Variants in B3GNT5 observed in about 807,000 individuals in gnomAD.
B3GNT5 encodes the protein lactosylceramide 1,3-N-acetyl-beta-D-glucosaminyltransferase.
B3GNT5 carries 11 observed loss-of-function variants against 25.9 expected under a neutral mutation model. The ratio of observed to expected loss-of-function variants is 0.42; its 90% CI spans 0.27 to 0.70. B3GNT5 has a LOEUF of 0.70. Ranked by LOEUF, B3GNT5 falls within the 30% of genes least tolerant of loss-of-function variation. B3GNT5 has a pLI of 0.23. For synonymous variants in B3GNT5, 166 were observed against 158.6 expected (o/e 1.05, Z -0.35); for missense variants, 385 against 458.4 (o/e 0.84, Z 1.46).
intron 1 of B3GNT5, among the ~76,000 whole-genome samples, chr3:183,260,973 T>G (rs1024860450): frequency 1.3e-5 from 2 of 152,208 alleles, no homozygotes; most frequent in African/African-American, 4.8e-5. Context: ...ACAAAAACAC[T>G]TGAAGACAGC....
intron 1 of B3GNT5, among the ~76,000 whole-genome samples, chr3:183,264,044 G>T (rs928488653): frequency 6.6e-6 from 1 of 152,150 alleles, no homozygotes; most frequent in Non-Finnish European, 1.5e-5. Flanking sequence ...CCATTAGCCA[G>T]TTTAATCCCT....
At chr3:183,263,721 G>A (rs976043216) in intron 1 of B3GNT5, among the ~76,000 whole-genome samples, 5 of 151,940 alleles carry the variant, frequency 3.3e-5, no homozygotes, top group South Asian at 2.1e-4. Context: ...TCTCTCCATC[G>A]CCTCGAACTC....
In B3GNT5 at chr3:183,272,635, G is replaced by A; in HGVS notation, c.*1700G>A. The A allele has an allele frequency of 1.0e-6, 1 of 1,000,576 alleles. No homozygotes were observed. Among genetic ancestry groups the A allele is most frequent in the Non-Finnish European group, 1.2e-6 (1 of 830,050 alleles). 62.0% of individuals were successfully genotyped at this position (1,000,576 alleles called of 1,614,324 possible). ...ATTCTAGGTTGTAGTTACTTTCAGA[G>A]TAGATACAGGGTTTTAGATCATTAC... is the stretch of plus-strand genomic sequence containing the variant. On this transcript the variant is annotated 3_prime_UTR_variant, in exon 2 of 2. Transcript: ENST00000326505.
Position 183,269,688 on chromosome 3 carries a change from C to A in B3GNT5, c.-111C>A. 1.1e-6 allele frequency: 1 copy of A among 950,324 alleles called. No homozygotes were observed. The highest frequency in any genetic ancestry group is 1.6e-6 in the Non-Finnish European group (1 of 643,512). The allele number at this position is 950,324 out of a possible 1,614,324, so 58.9% of individuals were successfully genotyped here. A position where few individuals can be genotyped will look rare whatever the true frequency, so the allele number is the denominator to read the frequency against. ...ATAAGAAGACTTCCATTTTTAATGA[C>A]CAACATGTATTAAGATGGACACCTA... On this transcript the variant is annotated 5_prime_UTR_variant, in exon 2 of 2. Transcript: ENST00000326505.
Position 183,270,462 on chromosome 3 carries a change from C to T in B3GNT5, c.664C>T (p.Arg222Cys), listed in dbSNP as rs760733397. The T allele has an allele frequency of 5.6e-6, 9 of 1,614,136 alleles. No homozygotes were observed. Among genetic ancestry groups the T allele is most frequent in the Admixed American group, 1.7e-5 (1 of 60,014 alleles). The change falls in exon 2 of 2, where the codon CGT (arginine) becomes TGT (cysteine). Residue 222 changes from arginine (R) to cysteine (C), a missense_variant. Coordinates refer to ENST00000326505, the MANE Select transcript of B3GNT5 (RefSeq NM_032047.5). This position sits in a 1 kb window ranked among gnomAD's most constrained non-coding sequence, Gnocchi z 4.5. Reference protein sequence around the residue: ...QIGVQDFWIGRVHRGAPPIRD... With the variant: ...QIGVQDFWIGCVHRGAPPIRD... ...TGGTGTTCAAGACTTTTGGATTGGT[C>T]GTGTTCATCGTGGTGCCCCTCCCAT... is the stretch of plus-strand genomic sequence containing the variant.
intron 1 of B3GNT5, among the ~76,000 whole-genome samples, chr3:183,255,252 T>G (rs1380780554): frequency 6.6e-6 from 1 of 152,186 alleles, no homozygotes; most frequent in East Asian, 1.9e-4. Context: ...ACCGAAATGA[T>G]TCCACCCTGA....
At chr3:183,253,866 G>T (rs1190961664) in intron 1 of B3GNT5, 1 of 152,180 alleles carries the variant, frequency 6.6e-6, no homozygotes, top group East Asian at 1.9e-4. Context: ...TGCCGCGGCC[G>T]CATCTTTCCG....
chr3:183,272,837 TAA>T lies in B3GNT5; in HGVS notation c.*1903_*1904del. ...TTAAGGTTGCCATTGGTTGAAAACATAAGTGTCTCTGGCCATCAAAGTGATCT... is the reference window on the plus strand; with the variant it reads ...TTAAGGTTGCCATTGGTTGAAAACATGTGTCTCTGGCCATCAAAGTGATCT... On this transcript the variant is annotated 3_prime_UTR_variant, in exon 2 of 2. Coordinates refer to ENST00000326505, the MANE Select transcript of B3GNT5 (RefSeq NM_032047.5). The T allele has an allele frequency of 8.1e-7, 1 of 1,240,160 alleles. No homozygotes were observed. Among genetic ancestry groups the T allele is most frequent in the Non-Finnish European group, 1.0e-6 (1 of 979,910 alleles). The allele number at this position is 1,240,160 out of a possible 1,614,324, so 76.8% of individuals were successfully genotyped here.
intron 1 of B3GNT5, among the ~76,000 whole-genome samples, chr3:183,254,399 A>G (rs577372657): frequency 2.6e-5 from 4 of 151,778 alleles, no homozygotes; most frequent in Non-Finnish European, 5.9e-5. Context: ...AGCGCGGCGG[A>G]GAAGGAGGCT....
In B3GNT5 at chr3:183,269,885, G is replaced by GT; in HGVS notation, c.94dup (p.Trp32LeufsTer6). The GT allele has an allele frequency of 4.3e-6, 7 of 1,613,906 alleles. No homozygotes were observed. Among genetic ancestry groups the GT allele is most frequent in the Non-Finnish European group, 5.9e-6 (7 of 1,179,954 alleles). ...CTACTTGTTTTTTAGCGAGCCTCAT[G>GT]TTTTTTTGGGAACCAATCGATAATC... On this transcript the variant is annotated frameshift_variant, in exon 2 of 2. Coordinates refer to ENST00000326505, the MANE Select transcript of B3GNT5 (RefSeq NM_032047.5). LOFTEE classifies it high-confidence loss of function.
rs141817155 is a variant in B3GNT5 at position 183,256,557 on chromosome 3, C to T, written c.-302+3085C>T. ...CCATAGAAGGCTTTAACACTAGAAG[C>T]CAGTTCTCTACAAAAGAGAATGTTC... On this transcript the variant is annotated intron_variant, in intron 1 of 1. Transcript: ENST00000326505. 3.3e-3 allele frequency among the ~76,000 whole-genome samples: 498 copies of T among 152,276 alleles called. 3 individuals are homozygous for T. Among genetic ancestry groups the T allele is most frequent in the Non-Finnish European group, 5.2e-3 (357 of 68,018 alleles).
rs1207721858 is a variant in B3GNT5 at position 183,271,201 on chromosome 3, T to C, written c.*266T>C. Reference sequence around the variant, plus strand: ...AACTAAAGGGAAGTTCAAGTTCTCATGTAATGCCACATATATACTTGAGGT... The same window carrying C: ...AACTAAAGGGAAGTTCAAGTTCTCACGTAATGCCACATATATACTTGAGGT... On this transcript the variant is annotated 3_prime_UTR_variant, in exon 2 of 2. Coordinates refer to ENST00000326505, the MANE Select transcript of B3GNT5 (RefSeq NM_032047.5). 2.3e-5 allele frequency: 7 copies of C among 303,960 alleles called. No individual in the cohort carries two copies. Among genetic ancestry groups the C allele is most frequent in the African/African-American group, 2.2e-5 (1 of 45,366 alleles). 18.8% of individuals were successfully genotyped at this position (303,960 alleles called of 1,614,324 possible).
At position 183,271,088 on chromosome 3, in the gene B3GNT5, C is replaced by T; in HGVS notation, c.*153C>T. ...CAGAATGTTTCTTTGATTCTAGAAG[C>T]TGTTTAATATCACTTATCTACTTCA... On this transcript the variant is annotated 3_prime_UTR_variant, in exon 2 of 2. Transcript: ENST00000326505. 1 of 659,272 alleles carries T rather than the reference C, an allele frequency of 1.5e-6. No homozygotes were observed. Among genetic ancestry groups the T allele is most frequent in the Non-Finnish European group, 2.4e-6 (1 of 409,980 alleles). 40.8% of individuals were successfully genotyped at this position (659,272 alleles called of 1,614,324 possible).
chr3:183,266,219 A>T (rs1474930667), intron 1 of B3GNT5: 1 of 152,270 alleles, frequency 6.6e-6, no homozygotes, highest in Non-Finnish European at 1.5e-5. Context: ...ACTTGTGGGC[A>T]CAAAGTCTAG....
In B3GNT5 at chr3:183,271,515, G is replaced by T. The variant is rs1373416781; in HGVS notation, c.*580G>T. 6.0e-6 allele frequency: 1 copy of T among 167,066 alleles called. No homozygotes were observed. The highest frequency in any genetic ancestry group is 2.4e-5 in the African/African-American group (1 of 41,450). 10.3% of individuals were successfully genotyped at this position (167,066 alleles called of 1,614,324 possible). On this transcript the variant is annotated 3_prime_UTR_variant, in exon 2 of 2. Transcript: ENST00000326505. Reference sequence around the variant, plus strand: ...AATCACGTCTTACCACATCCATGTAGCTACTGGTGTTAGAGTCATTAAAAT... The same window carrying T: ...AATCACGTCTTACCACATCCATGTATCTACTGGTGTTAGAGTCATTAAAAT...
rs149108049 is a variant in B3GNT5, at chr3:183,263,964, C to T, written c.-301-5534C>T. Among the ~76,000 whole-genome samples, 24 of 152,222 alleles carry T rather than the reference C, an allele frequency of 1.6e-4. No individual in the cohort carries two copies. The East Asian group carries it at 3.1e-3, about 20-fold the overall frequency. On this transcript the variant is annotated intron_variant, in intron 1 of 1. Transcript: ENST00000326505. ...TCGACTAGGCCTTCCTCACCTCATC[C>T]GGCATCAGTGTGAGCCCTTGAGAAA...
chr3:183,267,142 C>T lies in B3GNT5; in HGVS notation c.-301-2356C>T, dbSNP rs1381709819. Among the ~76,000 whole-genome samples the T allele has an allele frequency of 6.6e-6, 1 of 152,152 alleles. No homozygotes were observed. Among genetic ancestry groups the T allele is most frequent in the East Asian group, 1.9e-4 (1 of 5,196 alleles). ...ACATTTCCCATTACACCCCTGAACA[C>T]ACACACACAGAAAACCCAAAAGTTT... is the stretch of plus-strand genomic sequence containing the variant. On this transcript the variant is annotated intron_variant, in intron 1 of 1. Transcript: ENST00000326505. This position sits in a 1 kb window ranked among gnomAD's most constrained non-coding sequence, Gnocchi z 5.5.
intron 1 of B3GNT5, among the ~76,000 whole-genome samples, chr3:183,268,329 A>G (rs1308005100): frequency 6.6e-6 from 1 of 152,222 alleles, no homozygotes; most frequent in African/African-American, 2.4e-5. Context: ...AAAAGAGCTC[A>G]GTTTGTCTCG....
intron 1 of B3GNT5, among the ~76,000 whole-genome samples, chr3:183,261,473 TG>T (rs1316696231): frequency 5.3e-5 from 8 of 152,152 alleles, no homozygotes; most frequent in Non-Finnish European, 1.0e-4. Context: ...AAAGTTTAAA[TG>T]TAAAAGATAT....
Sources: allele counts gnomAD v4.1 joint callset (sites outside exome capture counted in the v4.1 genomes callset), GRCh38; gene constraint gnomAD v4.1.1; non-coding constraint Gnocchi (gnomAD v3.1); transcripts MANE v1.5; gene names NCBI Gene and HGNC (gene_info 2026-07-23, HGNC 2026-07-21).